Variants in UGGT2 observed in about 807,000 individuals in gnomAD.
The protein encoded by UGGT2 is UDP-glucose glycoprotein glucosyltransferase 2, also known as UDP-glucose:glycoprotein glucosyltransferase 2.
A neutral mutation model predicts 192.1 loss-of-function variants in UGGT2; 180 were observed. The observed-to-expected ratio is 0.94, with a 90% CI of 0.83 to 1.06. The LOEUF (loss-of-function observed/expected upper bound fraction) is 1.06. Among genes scored for constraint, UGGT2 ranks in the 50% least tolerant of loss-of-function variants. The pLI, the probability that UGGT2 is intolerant of heterozygous loss-of-function variation, is 0.00. For synonymous variants in UGGT2, 580 were observed against 591.0 expected, an observed-to-expected ratio of 0.98 and a Z score of 0.27; for missense variants, 1,849 against 1,795.7, an observed-to-expected ratio of 1.03 and a Z score of -0.54.
chr13:95,919,289 TC>T (rs541133508), intron 20 of UGGT2, among the ~76,000 whole-genome samples: 101 of 152,246 alleles, frequency 6.6e-4, no homozygotes, highest in African/African-American at 2.4e-3. Flanking sequence ...TGGAAGCATT[TC>T]CCCTTGAAAA....
At chr13:96,017,046 T>C (rs1183563966) in intron 4 of UGGT2, among the ~76,000 whole-genome samples, 1 of 152,226 alleles carries the variant, frequency 6.6e-6, no homozygotes, top group Non-Finnish European at 1.5e-5. Context: ...GCATGGGGCC[T>C]GTTACTCTTT....
chr13:95,833,087 C>G (rs774612720), intron 37 of UGGT2, 34 bp from the exon 38 acceptor site: 1 of 1,602,786 alleles, frequency 6.2e-7, no homozygotes, highest in Admixed American at 1.7e-5. Context: ...TAATGAAAGA[C>G]CATGCTCCTG....
intron 16 of UGGT2, among the ~76,000 whole-genome samples, chr13:95,939,631 T>G (rs1226753157): frequency 6.6e-6 from 1 of 152,138 alleles, no homozygotes. Context: ...AAGCTAATTA[T>G]CATATGCATT....
At chr13:96,048,082 G>T (rs1240141380) in intron 1 of UGGT2, among the ~76,000 whole-genome samples, 1 of 152,278 alleles carries the variant, frequency 6.6e-6, no homozygotes, top group South Asian at 2.1e-4. Flanking sequence ...CCACATAGTT[G>T]CAAGTAAAGG....
At chr13:95,929,662 G>A (rs1016753339) in intron 17 of UGGT2, among the ~76,000 whole-genome samples, 1 of 152,166 alleles carries the variant, frequency 6.6e-6, no homozygotes, top group Non-Finnish European at 1.5e-5. Flanking sequence ...GTGTATATAT[G>A]CACCACATTT....
At chr13:95,833,868 T>G (rs1886990811) in intron 37 of UGGT2, among the ~76,000 whole-genome samples, 1 of 152,170 alleles carries the variant, frequency 6.6e-6, no homozygotes, top group Non-Finnish European at 1.5e-5. Flanking sequence ...CCATTCACTA[T>G]TTACAAAGAA....
chr13:95,922,102 A>G (rs2048862943), intron 20 of UGGT2, among the ~76,000 whole-genome samples: 1 of 151,972 alleles, frequency 6.6e-6, no homozygotes, highest in Non-Finnish European at 1.5e-5. Context: ...ATATGTGCAA[A>G]TTGAAATCAA....
chr13:95,874,077 A>G (rs1891450069), intron 29 of UGGT2, among the ~76,000 whole-genome samples: 1 of 152,186 alleles, frequency 6.6e-6, no homozygotes, highest in African/African-American at 2.4e-5. Context: ...TTCTCAAAAC[A>G]GCATTGTTCA....
chr13:96,026,969 C>T (rs1299508371), intron 2 of UGGT2, among the ~76,000 whole-genome samples: 1 of 152,150 alleles, frequency 6.6e-6, no homozygotes, highest in Non-Finnish European at 1.5e-5. Flanking sequence ...CCGCGCCCAG[C>T]CCACTCTTAA....
chr13:95,964,308 G>T (rs1335476422), intron 12 of UGGT2, among the ~76,000 whole-genome samples: 1 of 152,062 alleles, frequency 6.6e-6, no homozygotes, highest in Non-Finnish European at 1.5e-5. Flanking sequence ...ACCATGTACA[G>T]AAATCAACTC....
At chr13:95,994,975 TA>T (rs1209761212) in intron 7 of UGGT2, among the ~76,000 whole-genome samples, 1 of 152,064 alleles carries the variant, frequency 6.6e-6, no homozygotes, top group Admixed American at 6.5e-5. Flanking sequence ...TCGAAAGTCT[TA>T]AATTTCAAAT....
At chr13:95,924,393 C>CTTTTTTTTTTTT (rs59757283) in intron 20 of UGGT2, among the ~76,000 whole-genome samples, 59 of 63,360 alleles carry the variant, frequency 9.3e-4, no homozygotes, top group Middle Eastern at 0.014. Flanking sequence ...TCCCAAACAG[C>CTTTTTTTTTTTT]TTTTTTTTTT....
chr13:95,925,776 T>C lies in UGGT2; in HGVS notation c.2201-2A>G. On this transcript the variant is annotated splice_acceptor_variant, in intron 19 of 38. Transcript: ENST00000376747. LOFTEE classifies it high-confidence loss of function. Reference sequence around the variant, plus strand: ...TGACTGCAGAAATTATACTCTCATCTGAAAGTTTCAAACAGTTTACTCAAA... The same window carrying C: ...TGACTGCAGAAATTATACTCTCATCCGAAAGTTTCAAACAGTTTACTCAAA... 6.5e-7 allele frequency: 1 copy of C among 1,529,826 alleles called. No individual in the cohort carries two copies. The highest frequency in any genetic ancestry group is 8.8e-7 in the Non-Finnish European group (1 of 1,134,368). The allele number at this position is 1,529,826 out of a possible 1,614,324, so 94.8% of individuals were successfully genotyped here.
chr13:95,922,328 C>T (rs1162612682), intron 20 of UGGT2, among the ~76,000 whole-genome samples: 3 of 152,048 alleles, frequency 2.0e-5, no homozygotes, highest in Admixed American at 1.3e-4. Flanking sequence ...AGGGGGGCCA[C>T]GAGAGTTGAA....
intron 38 of UGGT2, chr13:95,809,231 T>C (rs993110846): frequency 5.3e-6 from 3 of 562,594 alleles, no homozygotes; most frequent in African/African-American, 3.8e-5. Flanking sequence ...ATTTACAAAA[T>C]AGTTGATAAA....
rs1884591232 is a variant in UGGT2 at position 95,811,709 on chromosome 13, A to T, written c.4529-9897T>A. Reference sequence around the variant, plus strand: ...ATAATATATAATAGTAAAATGCATTATAACAATAGCATAAGAGAAAAGAGG... The same window carrying T: ...ATAATATATAATAGTAAAATGCATTTTAACAATAGCATAAGAGAAAAGAGG... On this transcript the variant is annotated intron_variant, in intron 38 of 38. Coordinates refer to ENST00000376747, the MANE Select transcript of UGGT2 (RefSeq NM_020121.4). 2.0e-5 allele frequency among the ~76,000 whole-genome samples: 3 copies of T among 152,184 alleles called. No individual in the cohort carries two copies. The South Asian group carries it at 6.2e-4, about 32-fold the overall frequency.
intron 12 of UGGT2, among the ~76,000 whole-genome samples, chr13:95,968,114 T>C (rs1409888965): frequency 6.6e-6 from 1 of 152,134 alleles, no homozygotes; most frequent in Non-Finnish European, 1.5e-5. Context: ...ATTGATCATG[T>C]TGTAATTGTA....
intron 5 of UGGT2, among the ~76,000 whole-genome samples, chr13:96,002,162 C>T (rs1025905007): frequency 6.6e-6 from 1 of 152,156 alleles, no homozygotes; most frequent in South Asian, 2.1e-4. Context: ...CTCCCACTCC[C>T]GTTCCTATTC....
intron 36 of UGGT2, among the ~76,000 whole-genome samples, chr13:95,842,700 T>A (rs948509898): frequency 1.3e-5 from 2 of 152,226 alleles, no homozygotes; most frequent in African/African-American, 4.8e-5. Flanking sequence ...CTGATTCTTC[T>A]CTCTCATGTT....
Sources: gnomAD v4.1 joint callset for allele counts (sites outside exome capture counted in the v4.1 genomes callset) on GRCh38, gnomAD v4.1.1 for gene constraint, MANE v1.5 for transcripts, NCBI Gene and HGNC (gene_info 2026-07-23, HGNC 2026-07-21) for gene names.